The following ANKRD6 variants were observed in gnomAD, a reference collection of about 807,000 sequenced individuals.
The protein encoded by ANKRD6 is ankyrin repeat domain 6.
Under a neutral mutation model 82.3 loss-of-function variants are expected in ANKRD6, and 56 were observed. The observed-to-expected ratio is 0.68, with a 90% CI of 0.55 to 0.85. ANKRD6 has a LOEUF of 0.85. Ranked by LOEUF, ANKRD6 falls within the 40% of genes least tolerant of loss-of-function variation. The pLI is 0.00. For synonymous variants in ANKRD6, 347 were observed against 352.1 expected (o/e 0.99, Z 0.16); for missense variants, 852 against 907.6 (o/e 0.94, Z 0.79).
At chr6:89,445,874 G>T (rs534451656) in intron 1 of ANKRD6, among the ~76,000 whole-genome samples, 5 of 151,794 alleles carry the variant, frequency 3.3e-5, no homozygotes, top group African/African-American at 1.2e-4. Context: ...CACTGCGCCC[G>T]GCTGATCAGA....
chr6:89,501,845 TA>T lies in ANKRD6; in HGVS notation c.-143-64978del, dbSNP rs551869448. On this transcript the variant is annotated intron_variant, in intron 1 of 15. Transcript: ENST00000339746. Reference sequence around the variant, plus strand: ...AAGTCTCTGATACAAGGAGTTATCTTAAAAAAAAAAAGGCAGTGACTTGAAC... The same window carrying T: ...AAGTCTCTGATACAAGGAGTTATCTTAAAAAAAAAAGGCAGTGACTTGAAC... 1.2e-3 allele frequency among the ~76,000 whole-genome samples: 169 copies of T among 145,348 alleles called. 1 individual carries two copies. The highest frequency in any genetic ancestry group is 1.1e-3 in the African/African-American group (42 of 39,848).
intron 2 of ANKRD6, among the ~76,000 whole-genome samples, chr6:89,571,818 C>T (rs546833388): frequency 1.3e-5 from 2 of 152,174 alleles, no homozygotes; most frequent in Non-Finnish European, 2.9e-5. Context: ...TATTCTTGTA[C>T]ATTCTATGGA....
At chr6:89,445,380 C>T (rs1345583317) in intron 1 of ANKRD6, among the ~76,000 whole-genome samples, 5 of 150,828 alleles carry the variant, frequency 3.3e-5, no homozygotes, top group African/African-American at 1.2e-4. Flanking sequence ...AAGTGATCCT[C>T]CTGCCTCAGC....
chr6:89,628,735 A>G lies in ANKRD6; in HGVS notation c.1486-377A>G, dbSNP rs926525350. On this transcript the variant is annotated intron_variant, in intron 14 of 15. Coordinates refer to ENST00000339746, the MANE Select transcript of ANKRD6 (RefSeq NM_001242809.2). Reference sequence around the variant, plus strand: ...CAGTGAGCCGACATCGTGCCACTGCACTCCAGCCTGGGCGACAGAGCGAGA... The same window carrying G: ...CAGTGAGCCGACATCGTGCCACTGCGCTCCAGCCTGGGCGACAGAGCGAGA... 3.5e-5 allele frequency: 9 copies of G among 260,410 alleles called. No homozygotes were observed. The South Asian group carries it at 4.0e-4, about 11-fold the overall frequency. 16.1% of individuals were successfully genotyped at this position (260,410 alleles called of 1,614,324 possible).
intron 1 of ANKRD6, among the ~76,000 whole-genome samples, chr6:89,515,464 T>G (rs1213831327): frequency 1.3e-5 from 2 of 152,252 alleles, no homozygotes; most frequent in African/African-American, 2.4e-5. Context: ...AATGTTTTGT[T>G]GAGCTTTTCT....
chr6:89,530,829 C>A (rs1783055183), intron 1 of ANKRD6, among the ~76,000 whole-genome samples: 1 of 152,190 alleles, frequency 6.6e-6, no homozygotes, highest in Non-Finnish European at 1.5e-5. Context: ...ATTGGTATCT[C>A]CCGGCTCTGC....
chr6:89,617,830 C>T, intron 8 of ANKRD6, 124 bp from the exon 9 acceptor site: 1 of 872,960 alleles, frequency 1.1e-6, no homozygotes, highest in Non-Finnish European at 1.8e-6. Flanking sequence ...CATGTTTTGC[C>T]ACGTAGGTGC....
chr6:89,586,836 T>C (rs571367545), intron 2 of ANKRD6, among the ~76,000 whole-genome samples: 2 of 152,310 alleles, frequency 1.3e-5, no homozygotes, highest in South Asian at 2.1e-4. Context: ...TTTTGGTCCT[T>C]CTTTTTGGTG....
At chr6:89,472,616 T>C (rs534904830) in intron 1 of ANKRD6, among the ~76,000 whole-genome samples, 2 of 152,334 alleles carry the variant, frequency 1.3e-5, no homozygotes, top group Admixed American at 1.3e-4. Flanking sequence ...GGAACGCTTA[T>C]AGAAGTTCTT....
chr6:89,580,292 A>T (rs1214762952), intron 2 of ANKRD6, among the ~76,000 whole-genome samples: 1 of 151,124 alleles, frequency 6.6e-6, no homozygotes, highest in Non-Finnish European at 1.5e-5. Context: ...AGTCCTTTGT[A>T]GGTTGCTTGT....
At position 89,613,792 on chromosome 6, in the gene ANKRD6, G is replaced by T; in HGVS notation, c.517G>T (p.Ala173Ser). 1 of 1,613,464 alleles carries T rather than the reference G, an allele frequency of 6.2e-7. No homozygotes were observed. ...CTTAGAGTTTGATTTTTGTCCGCAG[G>T]CAGGAGACACCTGTTTGCACGTTGC... ...AGSRADLKNNAGDTCLHVAAR... is the reference protein window; with the variant it reads ...AGSRADLKNNSGDTCLHVAAR... The change falls in exon 7 of 16, where the codon GCA becomes TCA. Residue 173 changes from alanine (A) to serine (S), a missense_variant and splice_region_variant. Physicochemically the swap from Ala to Ser is moderately conservative, Grantham distance 99. Transcript: ENST00000339746.
At chr6:89,533,078 T>C (rs1783382437) in intron 1 of ANKRD6, among the ~76,000 whole-genome samples, 1 of 152,078 alleles carries the variant, frequency 6.6e-6, no homozygotes, top group African/African-American at 2.4e-5. Flanking sequence ...GGTTTCACCA[T>C]GTTGGTCAGG....
chr6:89,491,790 A>T (rs943764499), intron 1 of ANKRD6, among the ~76,000 whole-genome samples: 13 of 152,238 alleles, frequency 8.5e-5, no homozygotes, highest in Admixed American at 5.2e-4. Context: ...AGTATAATTT[A>T]AAAAAATAAT....
At chr6:89,603,603 G>A (rs1797776895) in intron 4 of ANKRD6, among the ~76,000 whole-genome samples, 1 of 152,148 alleles carries the variant, frequency 6.6e-6, no homozygotes, top group Non-Finnish European at 1.5e-5. Context: ...GGGTCGGGGG[G>A]GTAAGGGATG....
intron 1 of ANKRD6, among the ~76,000 whole-genome samples, chr6:89,439,338 C>A (rs1396448988): frequency 6.6e-6 from 1 of 151,906 alleles, no homozygotes; most frequent in Non-Finnish European, 1.5e-5. Context: ...ACTTATTCCC[C>A]CTTCAAAAAA....
At chr6:89,517,808 G>T (rs750524430) in intron 1 of ANKRD6, among the ~76,000 whole-genome samples, 1 of 152,206 alleles carries the variant, frequency 6.6e-6, no homozygotes, top group Non-Finnish European at 1.5e-5. Context: ...TTTCCTAAGG[G>T]GGGGACTATG....
chr6:89,447,375 A>T (rs1037959770), intron 1 of ANKRD6, among the ~76,000 whole-genome samples: 1 of 152,220 alleles, frequency 6.6e-6, no homozygotes, highest in Non-Finnish European at 1.5e-5. Flanking sequence ...ACCAGCCACA[A>T]CATTCCCTAA....
intron 1 of ANKRD6, among the ~76,000 whole-genome samples, chr6:89,456,919 A>G (rs530911899): frequency 7.9e-5 from 12 of 152,318 alleles, no homozygotes; most frequent in African/African-American, 2.6e-4. Context: ...ACAATAAATC[A>G]GTCAGTCAGG....
intron 2 of ANKRD6, among the ~76,000 whole-genome samples, chr6:89,593,079 T>C (rs1795210607): frequency 6.6e-6 from 1 of 152,078 alleles, no homozygotes; most frequent in Non-Finnish European, 1.5e-5. Context: ...ATCTCAATTT[T>C]TTAAAAAGTA....
Sources: allele counts gnomAD v4.1 joint callset (sites outside exome capture counted in the v4.1 genomes callset), GRCh38; gene constraint gnomAD v4.1.1; transcripts MANE v1.5; gene names NCBI Gene and HGNC (gene_info 2026-07-23, HGNC 2026-07-21).